Variants in TNR observed in about 807,000 individuals in gnomAD.
The protein encoded by TNR is tenascin-R.
In TNR, 45 loss-of-function variants were observed where a neutral mutation model predicts 150.4. The ratio of observed to expected loss-of-function variants is 0.30; its 90% confidence interval spans 0.24 to 0.38. TNR has a LOEUF of 0.38. Ranked by LOEUF, TNR falls within the 10% of genes least tolerant of loss-of-function variation. The probability of loss-of-function intolerance (pLI) is 1.00; values close to 1 mark genes in which losing one functional copy is unlikely to be tolerated. For missense variants in TNR, 1,544 were observed against 1,759.1 expected, an observed-to-expected ratio of 0.88 and a Z score of 2.19; for synonymous variants, 687 against 678.4, an observed-to-expected ratio of 1.01 and a Z score of -0.20.
At chr1:175,482,815 T>C (rs187013416) in intron 2 of TNR, among the ~76,000 whole-genome samples, 1 of 152,310 alleles carries the variant, frequency 6.6e-6, no homozygotes. Context: ...GTGAGGCTTG[T>C]ACTAAGAGAG....
At chr1:175,533,446 T>C (rs116418926) in intron 1 of TNR, among the ~76,000 whole-genome samples, 1,779 of 152,234 alleles carry the variant, frequency 0.012, 40 homozygotes, top group African/African-American at 0.039. Context: ...AAGTCAGCCT[T>C]CCTCCCCACT....
chr1:175,492,262 A>C (rs1318008525), intron 2 of TNR, among the ~76,000 whole-genome samples: 1 of 152,214 alleles, frequency 6.6e-6, no homozygotes, highest in Non-Finnish European at 1.5e-5. Context: ...CATTTATGAG[A>C]GCCATTTAGT....
intron 18 of TNR, among the ~76,000 whole-genome samples, chr1:175,353,851 A>ATTTATTTTTT (rs111708916): frequency 6.8e-6 from 1 of 146,138 alleles, no homozygotes; most frequent in African/African-American, 2.6e-5. Flanking sequence ...ATTTTTATTT[A>ATTTATTTTTT]TTTTTTTTTT....
chr1:175,470,554 G>A (rs1657243337), intron 2 of TNR, among the ~76,000 whole-genome samples: 1 of 151,818 alleles, frequency 6.6e-6, no homozygotes, highest in Admixed American at 6.6e-5. Flanking sequence ...ATATTTATGG[G>A]GCACATGAAA....
Position 175,354,479 on chromosome 1 carries a change from G to A in TNR, c.3294C>T (p.Gly1098=), listed in dbSNP as rs542845516. 9 of 1,614,068 alleles carry A rather than the reference G, an allele frequency of 5.6e-6. No homozygotes were observed. In the East Asian group the frequency reaches 1.8e-4, roughly 32 times the overall value. The part of the protein sequence containing the change: ...DAEDTWIRLE[G]LLENTDYTVL... ...CCGTGTAGTCTGTGTTCTCCAACAG[G>A]CCCTCCAGTCGAATCCAGGTGTCTT... is the stretch of plus-strand genomic sequence containing the variant. The change falls in exon 18 of 23, where the codon GGC becomes GGT. Residue 1098 remains glycine, a synonymous_variant. Coordinates refer to ENST00000367674, the MANE Select transcript of TNR (RefSeq NM_003285.3).
intron 1 of TNR, among the ~76,000 whole-genome samples, chr1:175,644,101 T>C (rs754319954): frequency 7.9e-5 from 12 of 152,218 alleles, no homozygotes; most frequent in Non-Finnish European, 1.8e-4. Flanking sequence ...AATATGTTAA[T>C]AGTATGCATG....
At chr1:175,465,362 T>A (rs1656987539) in intron 2 of TNR, among the ~76,000 whole-genome samples, 1 of 152,234 alleles carries the variant, frequency 6.6e-6, no homozygotes, top group South Asian at 2.1e-4. Flanking sequence ...GCTCGATAAA[T>A]GCCAGCTATT....
rs1399735929 is a variant in TNR, at chr1:175,686,002, C to T, written c.-165+57224G>A. On this transcript the variant is annotated intron_variant, in intron 1 of 22. Transcript: ENST00000367674. ...GCATTATGGCTCCTTTTGCAAGAAG[C>T]TTTCTACCACCAGGCTTGAGACTGG... Among the ~76,000 whole-genome samples the T allele has an allele frequency of 3.9e-5, 6 of 152,202 alleles. No individual in the cohort carries two copies. The East Asian group carries it at 9.6e-4, about 24-fold the overall frequency.
At chr1:175,353,657 T>C (rs1014028328) in intron 18 of TNR, among the ~76,000 whole-genome samples, 1 of 152,120 alleles carries the variant, frequency 6.6e-6, no homozygotes, top group Non-Finnish European at 1.5e-5. Context: ...AGTGAGATCA[T>C]AGGAATGCAA....
At chr1:175,561,387 A>C (rs918444114) in intron 1 of TNR, among the ~76,000 whole-genome samples, 1 of 152,200 alleles carries the variant, frequency 6.6e-6, no homozygotes, top group East Asian at 1.9e-4. Flanking sequence ...CATAATCATC[A>C]TACATAGATC....
chr1:175,547,346 T>TTCA (rs3032558), intron 1 of TNR, among the ~76,000 whole-genome samples: 103,700 of 151,642 alleles, frequency 0.68, 35,699 homozygotes, highest in Admixed American at 0.76. Flanking sequence ...AGTCTATAAC[T>TTCA]TCAACCCCTT....
At chr1:175,354,079 C>T (rs1270320183) in intron 18 of TNR, among the ~76,000 whole-genome samples, 6 of 152,136 alleles carry the variant, frequency 3.9e-5, no homozygotes, top group Non-Finnish European at 8.8e-5. Context: ...CTCCTGACCT[C>T]AGGTAATCTG....
chr1:175,648,967 G>A (rs1443813408), intron 1 of TNR, among the ~76,000 whole-genome samples: 4 of 152,136 alleles, frequency 2.6e-5, no homozygotes, highest in African/African-American at 7.2e-5. Flanking sequence ...TCTCAGGCCT[G>A]GACTACCTCA....
intron 2 of TNR, among the ~76,000 whole-genome samples, chr1:175,410,523 G>A (rs1654165211): frequency 6.6e-6 from 1 of 152,188 alleles, no homozygotes; most frequent in Non-Finnish European, 1.5e-5. Flanking sequence ...CTGCAGGGAG[G>A]GGCACGCAAA....
chr1:175,326,912 C>T (rs1012329977), intron 21 of TNR, among the ~76,000 whole-genome samples: 5 of 151,338 alleles, frequency 3.3e-5, no homozygotes, highest in African/African-American at 4.9e-5. Context: ...ATGATCTGCC[C>T]GCCTCGGCCT....
chr1:175,657,873 A>ATATATATATG (rs1553251707), intron 1 of TNR, among the ~76,000 whole-genome samples: 1 of 127,376 alleles, frequency 7.9e-6, no homozygotes, highest in African/African-American at 2.8e-5. Context: ...ATATATATAT[A>ATATATATATG]TATATATATA....
chr1:175,601,012 G>T (rs933037121), intron 1 of TNR, among the ~76,000 whole-genome samples: 2 of 152,234 alleles, frequency 1.3e-5, no homozygotes, highest in African/African-American at 4.8e-5. Flanking sequence ...CTTTGCTGAG[G>T]AGATCAAATC....
chr1:175,707,202 A>G (rs1361052033), intron 1 of TNR, among the ~76,000 whole-genome samples: 1 of 152,230 alleles, frequency 6.6e-6, no homozygotes. Flanking sequence ...TCCAGGTCTC[A>G]ATTCCAAACA....
intron 2 of TNR, among the ~76,000 whole-genome samples, chr1:175,456,560 G>A (rs896734768): frequency 6.6e-6 from 1 of 152,180 alleles, no homozygotes; most frequent in East Asian, 1.9e-4. Context: ...CCTCCTTAAT[G>A]AAATATAGTC....
Sources: allele counts gnomAD v4.1 joint callset (sites outside exome capture counted in the v4.1 genomes callset), GRCh38; gene constraint gnomAD v4.1.1; transcripts MANE v1.5; gene names NCBI Gene and HGNC (gene_info 2026-07-23, HGNC 2026-07-21).